The following ARPP21 variants were observed in gnomAD, a reference collection of about 807,000 sequenced individuals.
ARPP21 encodes the protein cAMP-regulated phosphoprotein 21.
ARPP21 carries 69 observed loss-of-function variants against 113.2 expected under a neutral mutation model. The ratio of observed to expected loss-of-function variants is 0.61; its 90% CI spans 0.50 to 0.74. ARPP21 has a LOEUF of 0.74. ARPP21 is among the 30% of genes least tolerant of loss of function. The probability of loss-of-function intolerance (pLI) is 0.00; values close to 1 mark genes in which losing one functional copy is unlikely to be tolerated. For synonymous variants in ARPP21, 368 were observed against 375.5 expected (o/e 0.98, Z 0.23); for missense variants, 1,070 against 1,037.4 (o/e 1.03, Z -0.43).
intron 19 of ARPP21, chr3:35,744,687 C>T (rs2094907203): frequency 3.3e-6 from 1 of 298,896 alleles, no homozygotes; most frequent in Middle Eastern, 4.3e-4. Context: ...AATTGTCATG[C>T]TGAAGACTGC....
chr3:35,786,316 G>A (rs2096631411), intron 19 of ARPP21, among the ~76,000 whole-genome samples: 1 of 152,148 alleles, frequency 6.6e-6, no homozygotes, highest in South Asian at 2.1e-4. Flanking sequence ...GAGGTCAAGA[G>A]ATCGAGACCA....
chr3:35,689,392 T>C lies in ARPP21; in HGVS notation c.485+7T>C. On this transcript the variant is annotated splice_region_variant and intron_variant, in intron 7 of 20. Transcript: ENST00000684406. ...CATTAAAGAATAATTCCAGGTAAATTATTAAATGAGCCTCTTATTTTTAGA... is the reference window on the plus strand; with the variant it reads ...CATTAAAGAATAATTCCAGGTAAATCATTAAATGAGCCTCTTATTTTTAGA... 2 of 1,327,160 alleles carry C rather than the reference T, an allele frequency of 1.5e-6. No homozygotes were observed. The highest frequency in any genetic ancestry group is 1.2e-5 in the South Asian group (1 of 84,934). 82.2% of individuals were successfully genotyped at this position (1,327,160 alleles called of 1,614,324 possible). A position where few individuals can be genotyped will look rare whatever the true frequency, so the allele number is the denominator to read the frequency against.
chr3:35,785,819 T>C (rs2096620744), intron 19 of ARPP21, among the ~76,000 whole-genome samples: 1 of 152,112 alleles, frequency 6.6e-6, no homozygotes, highest in South Asian at 2.1e-4. Flanking sequence ...TCAAATTCAT[T>C]TGGATAGACA....
At chr3:35,662,257 T>C (rs1267977727) in intron 1 of ARPP21, among the ~76,000 whole-genome samples, 1 of 152,212 alleles carries the variant, frequency 6.6e-6, no homozygotes, top group African/African-American at 2.4e-5. Flanking sequence ...TTATAAATAT[T>C]GCAAGATTTG....
chr3:35,743,812 C>T, intron 18 of ARPP21, 27 bp from the exon 19 acceptor site: 1 of 1,607,836 alleles, frequency 6.2e-7, no homozygotes, highest in Non-Finnish European at 8.5e-7. Context: ...TTTTCATTCT[C>T]TGCTTTCTTC....
intron 19 of ARPP21, among the ~76,000 whole-genome samples, chr3:35,777,078 TAG>T (rs2096392937): frequency 6.6e-6 from 1 of 152,178 alleles, no homozygotes; most frequent in Non-Finnish European, 1.5e-5. Context: ...TGTGGAAATT[TAG>T]AGTGTGGAAG....
At chr3:35,761,152 G>A (rs945906953) in intron 19 of ARPP21, among the ~76,000 whole-genome samples, 7 of 152,072 alleles carry the variant, frequency 4.6e-5, no homozygotes, top group African/African-American at 1.2e-4. Flanking sequence ...AAGTTGGCAA[G>A]TATACCACTG....
chr3:35,794,060 A>G lies in ARPP21; in HGVS notation c.*102A>G. 1 of 994,730 alleles carries G rather than the reference A, an allele frequency of 1.0e-6. No individual in the cohort carries two copies. The highest frequency in any genetic ancestry group is 1.5e-6 in the Non-Finnish European group (1 of 666,960). 61.6% of individuals were successfully genotyped at this position (994,730 alleles called of 1,614,324 possible). ...CTGAGGACTTAAGTATTCACTCAAC[A>G]CTCAAATGATTGCTGCTGGTATTCT... On this transcript the variant is annotated 3_prime_UTR_variant, in exon 21 of 21. Coordinates refer to ENST00000684406, the MANE Select transcript of ARPP21 (RefSeq NM_001385562.1).
At chr3:35,715,296 CT>C in intron 11 of ARPP21, 142 bp from the exon 12 acceptor site, 1 of 669,066 alleles carries the variant, frequency 1.5e-6, no homozygotes, top group Non-Finnish European at 2.6e-6. Context: ...AACCTTTTTC[CT>C]TTTTTATTTC....
chr3:35,788,873 C>G (rs1307204182), intron 19 of ARPP21, among the ~76,000 whole-genome samples: 1 of 152,262 alleles, frequency 6.6e-6, no homozygotes, highest in East Asian at 1.9e-4. Flanking sequence ...TGATACAATG[C>G]AGACATTTTA....
At chr3:35,657,139 G>C (rs1450380101) in intron 1 of ARPP21, among the ~76,000 whole-genome samples, 1 of 151,912 alleles carries the variant, frequency 6.6e-6, no homozygotes, top group African/African-American at 2.4e-5. Context: ...AAACTTTGCT[G>C]CTTTAAAAAT....
At chr3:35,763,119 C>T (rs9815104) in intron 19 of ARPP21, among the ~76,000 whole-genome samples, 4,674 of 152,200 alleles carry the variant, frequency 0.031, 236 homozygotes, top group African/African-American at 0.1. Flanking sequence ...ATAATAATAG[C>T]TCTGTGTGTC....
chr3:35,686,960 C>T (rs1485810754), intron 5 of ARPP21, among the ~76,000 whole-genome samples: 1 of 151,112 alleles, frequency 6.6e-6, no homozygotes. Context: ...TGTAAATGGC[C>T]AATCTTAAAT....
In ARPP21 at chr3:35,737,246, C is replaced by G. The variant is rs192238724; in HGVS notation, c.1528C>G (p.Arg510Gly). The part of the protein sequence containing the change: ...YNPPTSQQPL[R>G]SAMVGQSQQQ... The stretch of plus-strand genomic sequence containing the variant: ...CCCACCCACCAGTCAGCAGCCCCTG[C>G]GAAGCGCCATGGTGGGGCAGTCCCA... The change falls in exon 16 of 21, where the codon CGA becomes GGA. Residue 510 changes from arginine to glycine, a missense_variant. Arg to Gly is a moderately radical substitution (Grantham distance 125, BLOSUM62 -2). Coordinates refer to ENST00000684406, the MANE Select transcript of ARPP21 (RefSeq NM_001385562.1). 1.2e-6 allele frequency: 2 copies of G among 1,612,808 alleles called. No individual in the cohort carries two copies. Among genetic ancestry groups the G allele is most frequent in the Admixed American group, 1.7e-5 (1 of 59,934 alleles).
At chr3:35,659,123 T>A (rs979163200) in intron 1 of ARPP21, among the ~76,000 whole-genome samples, 1 of 152,180 alleles carries the variant, frequency 6.6e-6, no homozygotes, top group Non-Finnish European at 1.5e-5. Flanking sequence ...ATATTGCAAG[T>A]TTTTCTTCAA....
intron 1 of ARPP21, chr3:35,640,968 T>C (rs1415777505): frequency 6.6e-6 from 1 of 152,198 alleles, no homozygotes; most frequent in African/African-American, 2.4e-5. Context: ...TCATTCAATG[T>C]TTATGCATAG....
chr3:35,758,228 T>G (rs931958369), intron 19 of ARPP21, among the ~76,000 whole-genome samples: 3 of 151,982 alleles, frequency 2.0e-5, no homozygotes, highest in Non-Finnish European at 1.5e-5. Context: ...TTGAAATATT[T>G]CTCCATGCAG....
intron 1 of ARPP21, among the ~76,000 whole-genome samples, chr3:35,668,011 GAAGAAGAAGAAGAAGA>G (rs2075242122): frequency 4.7e-5 from 7 of 150,094 alleles, no homozygotes; most frequent in African/African-American, 1.7e-4. Flanking sequence ...AGAAGAAGAA[GAAGAAGAAGAAGAAGA>G]AGAAGGAGAA....
intron 19 of ARPP21, among the ~76,000 whole-genome samples, chr3:35,745,568 A>G (rs561829282): frequency 1.3e-5 from 2 of 152,370 alleles, no homozygotes; most frequent in Admixed American, 1.3e-4. Flanking sequence ...AACATGCTGC[A>G]ATCCACTAAA....
Sources: allele counts gnomAD v4.1 joint callset (sites outside exome capture counted in the v4.1 genomes callset), GRCh38; gene constraint gnomAD v4.1.1; transcripts MANE v1.5; gene names NCBI Gene and HGNC (gene_info 2026-07-23, HGNC 2026-07-21).